CAB39L: variants seen among roughly 807,000 people sequenced by gnomAD.
CAB39L encodes calcium-binding protein 39-like.
A neutral mutation model predicts 39.1 loss-of-function variants in CAB39L; 23 were observed. That is an observed-to-expected ratio of 0.59 (90% CI 0.42 to 0.83). CAB39L has a LOEUF of 0.83. Among genes scored for constraint, CAB39L ranks in the 40% least tolerant of loss-of-function variants. CAB39L has a pLI of 0.00. For missense variants in CAB39L, 366 were observed against 391.9 expected, an observed-to-expected ratio of 0.93 and a Z score of 0.56; for synonymous variants, 126 against 137.2, an observed-to-expected ratio of 0.92 and a Z score of 0.57.
In CAB39L at chr13:49,405,465, G is replaced by A. The variant is rs965884383; in HGVS notation, c.-31-22524C>T. 2.7e-5 allele frequency among the ~76,000 whole-genome samples: 4 copies of A among 150,342 alleles called. No homozygotes were observed. In the Admixed American group the frequency reaches 2.7e-4, roughly 10 times the overall value. On this transcript the variant is annotated intron_variant, in intron 3 of 10. Coordinates refer to ENST00000409308, the MANE Select transcript of CAB39L (RefSeq NM_001079670.3). ...TCAGTCTGAAAGAAAAGGACATTAA[G>A]GTACAATAAGAATCATCTGGTCATC...
chr13:49,313,578 GA>G, intron 10 of CAB39L, among the ~76,000 whole-genome samples: 1 of 152,040 alleles, frequency 6.6e-6, no homozygotes. Flanking sequence ...GTATTTCTAT[GA>G]AGTTCCACAG....
chr13:49,325,075 G>A (rs185874041), intron 10 of CAB39L, among the ~76,000 whole-genome samples: 1 of 152,290 alleles, frequency 6.6e-6, no homozygotes. Flanking sequence ...ATACTTGTTT[G>A]ATGATGTTGC....
intron 6 of CAB39L, among the ~76,000 whole-genome samples, chr13:49,353,693 C>CT (rs1473872682): frequency 6.6e-6 from 1 of 152,126 alleles, no homozygotes; most frequent in East Asian, 1.9e-4. Flanking sequence ...CTCTTTAACA[C>CT]TTTTTTCATT....
intron 3 of CAB39L, among the ~76,000 whole-genome samples, chr13:49,387,774 C>G (rs1956397409): frequency 6.6e-6 from 1 of 152,080 alleles, no homozygotes; most frequent in Non-Finnish European, 1.5e-5. Context: ...AAAAAAAGAG[C>G]TAGCCAAGGT....
intron 4 of CAB39L, 72 bp from the exon 5 acceptor site, chr13:49,377,203 T>C: frequency 7.7e-7 from 1 of 1,304,372 alleles, no homozygotes; most frequent in East Asian, 2.3e-5. Flanking sequence ...AAACAAATAA[T>C]CCAAAAAACC....
At chr13:49,322,858 G>A (rs578166333) in intron 10 of CAB39L, among the ~76,000 whole-genome samples, 18 of 152,228 alleles carry the variant, frequency 1.2e-4, no homozygotes, top group Admixed American at 3.3e-4. Context: ...TACAACTCCC[G>A]TTCTCAGAAA....
chr13:49,415,761 C>A (rs1481347321), intron 3 of CAB39L, among the ~76,000 whole-genome samples: 1 of 152,158 alleles, frequency 6.6e-6, no homozygotes, highest in African/African-American at 2.4e-5. Flanking sequence ...GTGTTTTGCT[C>A]ACTGCTTCAT....
At chr13:49,442,933 G>A (rs1000617345) in intron 1 of CAB39L, among the ~76,000 whole-genome samples, 1 of 151,430 alleles carries the variant, frequency 6.6e-6, no homozygotes, top group Non-Finnish European at 1.5e-5. Context: ...TGAAATCTAA[G>A]CTGAAGGCAA....
chr13:49,317,861 T>C (rs750274477), intron 10 of CAB39L, among the ~76,000 whole-genome samples: 31 of 152,096 alleles, frequency 2.0e-4, no homozygotes, highest in Non-Finnish European at 4.0e-4. Flanking sequence ...GCAAATCATA[T>C]ATCTGATCAG....
At chr13:49,335,899 A>G (rs1347318751) in intron 9 of CAB39L, among the ~76,000 whole-genome samples, 1 of 152,226 alleles carries the variant, frequency 6.6e-6, no homozygotes, top group East Asian at 1.9e-4. Flanking sequence ...CTTTGGAATC[A>G]GAAAATAGCC....
chr13:49,363,581 G>T (rs576783290), intron 5 of CAB39L, among the ~76,000 whole-genome samples: 2 of 152,128 alleles, frequency 1.3e-5, no homozygotes, highest in East Asian at 1.9e-4. Context: ...GAAAGGAAGA[G>T]AAGAAGGAAG....
intron 3 of CAB39L, among the ~76,000 whole-genome samples, chr13:49,408,838 C>G (rs752440582): frequency 7.3e-5 from 11 of 151,558 alleles, no homozygotes; most frequent in East Asian, 1.9e-4. Flanking sequence ...CCCCTCCCCC[C>G]CAAAAAAAGG....
At chr13:49,366,504 A>G (rs1955775003) in intron 5 of CAB39L, among the ~76,000 whole-genome samples, 1 of 151,500 alleles carries the variant, frequency 6.6e-6, no homozygotes. Context: ...GCACGCACCT[A>G]TAATCCCAGC....
chr13:49,396,757 C>A (rs868466400), intron 3 of CAB39L, among the ~76,000 whole-genome samples: 1 of 151,996 alleles, frequency 6.6e-6, no homozygotes, highest in African/African-American at 2.4e-5. Flanking sequence ...TATTCCTTTA[C>A]CTGTATTCCA....
intron 10 of CAB39L, among the ~76,000 whole-genome samples, chr13:49,321,676 T>C (rs905029363): frequency 3.3e-5 from 5 of 152,104 alleles, no homozygotes; most frequent in Non-Finnish European, 4.4e-5. Flanking sequence ...ACTACTTATC[T>C]AAAGGTAGGG....
chr13:49,431,341 G>A (rs1957320576), intron 3 of CAB39L, among the ~76,000 whole-genome samples: 1 of 152,092 alleles, frequency 6.6e-6, no homozygotes, highest in Non-Finnish European at 1.5e-5. Context: ...CCATTGTATA[G>A]ATATACCACA....
intron 3 of CAB39L, among the ~76,000 whole-genome samples, chr13:49,406,179 T>C (rs1956873224): frequency 6.6e-6 from 1 of 151,042 alleles, no homozygotes; most frequent in South Asian, 2.1e-4. Flanking sequence ...CTTTTTTTTT[T>C]TTTTTTGAGA....
In CAB39L at chr13:49,377,449, G is replaced by A. The variant is rs539244662; in HGVS notation, c.112-318C>T. 6.3e-5 allele frequency among the ~76,000 whole-genome samples: 6 copies of A among 94,650 alleles called. 2 individuals carry two copies. Among genetic ancestry groups the A allele is most frequent in the Non-Finnish European group, 1.1e-4 (5 of 46,826 alleles). The allele number at this position is 94,650 out of a possible 152,430, so 62.1% of individuals were successfully genotyped here. On this transcript the variant is annotated intron_variant, in intron 4 of 10. Coordinates refer to ENST00000409308, the MANE Select transcript of CAB39L (RefSeq NM_001079670.3). ...TCTCCCCACGGTCTCCCTCTCATGC[G>A]GAGCCGAAGCTGGACTGTACTGCTG...
chr13:49,344,123 T>A, intron 8 of CAB39L, 56 bp downstream of exon 8: 1 of 1,025,132 alleles, frequency 9.8e-7, no homozygotes, highest in Non-Finnish European at 1.5e-6. Flanking sequence ...TGCTCATAGA[T>A]CTAAAAGGGA....
Sources: allele counts gnomAD v4.1 joint callset (sites outside exome capture counted in the v4.1 genomes callset), GRCh38; gene constraint gnomAD v4.1.1; transcripts MANE v1.5; gene names NCBI Gene and HGNC (gene_info 2026-07-23, HGNC 2026-07-21).